LRRTM4: variants seen among roughly 807,000 people sequenced by gnomAD.
The protein encoded by LRRTM4 is leucine rich repeat transmembrane neuronal 4.
LRRTM4 carries 25 observed loss-of-function variants against 47.6 expected under a neutral mutation model. The ratio of observed to expected loss-of-function variants is 0.53; its 90% CI spans 0.38 to 0.73. LRRTM4 has a LOEUF of 0.73. Ranked by LOEUF, LRRTM4 falls within the 30% of genes least tolerant of loss-of-function variation. The pLI is 0.00. For synonymous variants in LRRTM4, 311 were observed against 269.5 expected, an observed-to-expected ratio of 1.15 and a Z score of -1.51; for missense variants, 638 against 713.4, an observed-to-expected ratio of 0.89 and a Z score of 1.20.
intron 3 of LRRTM4, among the ~76,000 whole-genome samples, chr2:77,303,721 T>C (rs955381294): frequency 5.3e-5 from 8 of 152,230 alleles, no homozygotes; most frequent in African/African-American, 1.7e-4. Context: ...TATCTTTCTA[T>C]GCCTTGTTTA....
intron 3 of LRRTM4, among the ~76,000 whole-genome samples, chr2:76,965,544 T>C (rs1392089978): frequency 6.6e-6 from 1 of 151,346 alleles, no homozygotes; most frequent in African/African-American, 2.4e-5. Context: ...ATTTTATTGT[T>C]TTGGGACCTA....
intron 3 of LRRTM4, among the ~76,000 whole-genome samples, chr2:76,842,053 G>A (rs577507308): frequency 3.3e-5 from 5 of 152,312 alleles, no homozygotes; most frequent in African/African-American, 9.6e-5. Context: ...CTATGAGGCT[G>A]TTTTCCAGGA....
At chr2:77,208,870 C>T (rs1378582142) in intron 3 of LRRTM4, among the ~76,000 whole-genome samples, 1 of 152,074 alleles carries the variant, frequency 6.6e-6, no homozygotes, top group African/African-American at 2.4e-5. Context: ...TGTGAATTAA[C>T]CCAGTTGGCT....
intron 3 of LRRTM4, among the ~76,000 whole-genome samples, chr2:76,754,273 G>A (rs1217336535): frequency 2.0e-5 from 3 of 151,848 alleles, no homozygotes; most frequent in African/African-American, 4.8e-5. Flanking sequence ...ATATTAGTAT[G>A]TGACAAGAAT....
chr2:77,433,953 A>G (rs895919936), intron 3 of LRRTM4, among the ~76,000 whole-genome samples: 1 of 152,112 alleles, frequency 6.6e-6, no homozygotes, highest in Non-Finnish European at 1.5e-5. Context: ...GAGGCACAAC[A>G]GAATCTCTAC....
chr2:76,927,532 C>A (rs1674626325), intron 3 of LRRTM4, among the ~76,000 whole-genome samples: 1 of 152,062 alleles, frequency 6.6e-6, no homozygotes, highest in Non-Finnish European at 1.5e-5. Flanking sequence ...GAGCTACTGC[C>A]TTTCCTATTG....
rs151201605 is a variant in LRRTM4, at chr2:77,474,678, T to C, written c.1551+43640A>G. On this transcript the variant is annotated intron_variant, in intron 3 of 3. Transcript: ENST00000409884. ...TAGATTTCTTCTTTGTACTTTATAA[T>C]CAACCTATATTTGAATGCTTTAAAT... Among the ~76,000 whole-genome samples the C allele has an allele frequency of 2.8e-3, 427 of 152,254 alleles. 2 individuals are homozygous for C. Among genetic ancestry groups the C allele is most frequent in the African/African-American group, 9.5e-3 (396 of 41,588 alleles).
At position 77,304,638 on chromosome 2, in the gene LRRTM4, T is replaced by G. The variant is rs145519340; in HGVS notation, c.1551+213680A>C. ...GATTTATGACAATGGCTATCAGTTA[T>G]GTGTACTAATGCCCCAATAGCTAAT... On this transcript the variant is annotated intron_variant, in intron 3 of 3. Coordinates refer to ENST00000409884, the MANE Select transcript of LRRTM4 (RefSeq NM_001134745.3). 3.0e-4 allele frequency among the ~76,000 whole-genome samples: 45 copies of G among 152,262 alleles called. No individual in the cohort carries two copies. The East Asian group carries it at 6.0e-3, about 20-fold the overall frequency.
chr2:76,910,167 T>TA (rs1011049489), intron 3 of LRRTM4, among the ~76,000 whole-genome samples: 1 of 152,048 alleles, frequency 6.6e-6, no homozygotes, highest in East Asian at 1.9e-4. Context: ...TATGCAGCCA[T>TA]AAAAAATGAT....
At position 77,410,317 on chromosome 2, in the gene LRRTM4, T is replaced by C. The variant is rs184265326; in HGVS notation, c.1551+108001A>G. Among the ~76,000 whole-genome samples the C allele has an allele frequency of 1.7e-4, 26 of 152,182 alleles. No homozygotes were observed. The East Asian group carries it at 4.3e-3, about 25-fold the overall frequency. On this transcript the variant is annotated intron_variant, in intron 3 of 3. Transcript: ENST00000409884. ...ACCAACCACATGAGTAGGGAGCCAG[T>C]TCTGTTGTGATTTTTAAGGTCTATT...
chr2:77,407,682 T>A (rs754584657), intron 3 of LRRTM4, among the ~76,000 whole-genome samples: 13,007 of 139,628 alleles, frequency 0.093, 934 homozygotes, highest in African/African-American at 0.2. Flanking sequence ...TATATAATAT[T>A]TAATATAATA....
At chr2:76,960,621 A>G (rs945039370) in intron 3 of LRRTM4, among the ~76,000 whole-genome samples, 1 of 150,514 alleles carries the variant, frequency 6.6e-6, no homozygotes, top group African/African-American at 2.5e-5. Flanking sequence ...ATTATTTTCA[A>G]TATCACAGTC....
At chr2:77,087,540 GA>G (rs1210621746) in intron 3 of LRRTM4, among the ~76,000 whole-genome samples, 1 of 152,218 alleles carries the variant, frequency 6.6e-6, no homozygotes, top group Non-Finnish European at 1.5e-5. Context: ...AATGTTTACA[GA>G]AATTTTGCAA....
intron 3 of LRRTM4, among the ~76,000 whole-genome samples, chr2:77,079,330 G>T (rs948100299): frequency 6.6e-6 from 1 of 152,204 alleles, no homozygotes; most frequent in African/African-American, 2.4e-5. Flanking sequence ...TGAACCAGTG[G>T]CTATTTTTGT....
intron 3 of LRRTM4, among the ~76,000 whole-genome samples, chr2:77,506,209 TC>T: frequency 6.6e-6 from 1 of 151,586 alleles, no homozygotes; most frequent in Non-Finnish European, 1.5e-5. Flanking sequence ...AAGTAAAATA[TC>T]CGGAGAGAAT....
chr2:77,028,180 T>A (rs550195631), intron 3 of LRRTM4, among the ~76,000 whole-genome samples: 55 of 152,118 alleles, frequency 3.6e-4, no homozygotes, highest in South Asian at 3.3e-3. Context: ...AAATCTAAAG[T>A]CCAAAGCAAG....
chr2:77,518,733 TG>T lies in LRRTM4; in HGVS notation c.1135del (p.Gln379ArgfsTer4), dbSNP rs1442046857. The T allele has an allele frequency of 6.2e-7, 1 of 1,613,486 alleles. No homozygotes were observed. ...ERSHLVPQTPQKPLIIPRPTI... is the reference protein window; with the variant it reads ...ERSHLVPQTPXKPLIIPRPTI... The stretch of plus-strand genomic sequence containing the variant: ...AGGTCTAGGGATAATCAGAGGTTTC[TG>T]GGGAGTTTGGGGCACCAGGTGTGAT... On this transcript the variant is annotated frameshift_variant, in exon 3 of 4. Coordinates refer to ENST00000409884, the MANE Select transcript of LRRTM4 (RefSeq NM_001134745.3). LOFTEE classifies it high-confidence loss of function.
chr2:77,330,431 T>C (rs1031280151), intron 3 of LRRTM4, among the ~76,000 whole-genome samples: 4 of 152,128 alleles, frequency 2.6e-5, no homozygotes, highest in African/African-American at 9.7e-5. Flanking sequence ...ATATTACTAA[T>C]TGTTTGTATT....
rs1348343893 is a variant in LRRTM4, at chr2:76,948,888, G to C, written c.1552-199972C>G. 2.6e-5 allele frequency among the ~76,000 whole-genome samples: 4 copies of C among 151,706 alleles called. No individual in the cohort carries two copies. The East Asian group carries it at 7.8e-4, about 29-fold the overall frequency. On this transcript the variant is annotated intron_variant, in intron 3 of 3. Coordinates refer to ENST00000409884, the MANE Select transcript of LRRTM4 (RefSeq NM_001134745.3). ...TAGATTTTGTACATTTTATGAGAAG[G>C]AATATACATTTGGTGGATTTCATTT...
Sources: gnomAD v4.1 joint callset for allele counts (sites outside exome capture counted in the v4.1 genomes callset) on GRCh38, gnomAD v4.1.1 for gene constraint, MANE v1.5 for transcripts, NCBI Gene and HGNC (gene_info 2026-07-23, HGNC 2026-07-21) for gene names.